DENND1B: variants seen among roughly 807,000 people sequenced by gnomAD.
DENND1B encodes the protein DENN domain containing 1B.
Under a neutral mutation model 90.1 loss-of-function variants are expected in DENND1B, and 59 were observed. The ratio of observed to expected loss-of-function variants is 0.65; its 90% CI spans 0.53 to 0.81. The LOEUF (loss-of-function observed/expected upper bound fraction) is 0.81. Among genes scored for constraint, DENND1B ranks in the 40% least tolerant of loss-of-function variants. The probability of loss-of-function intolerance (pLI) is 0.00; values close to 1 mark genes in which losing one functional copy is unlikely to be tolerated. For missense variants in DENND1B, 862 were observed against 912.6 expected (o/e 0.94, Z 0.71); for synonymous variants, 337 against 324.6 (o/e 1.04, Z -0.41).
chr1:197,641,741 T>G (rs1680284359), intron 10 of DENND1B, among the ~76,000 whole-genome samples: 1 of 152,156 alleles, frequency 6.6e-6, no homozygotes, highest in South Asian at 2.1e-4. Flanking sequence ...TGTTTGGCCT[T>G]GAAGTGGTCA....
At chr1:197,756,859 G>T (rs929926726) in intron 2 of DENND1B, among the ~76,000 whole-genome samples, 8 of 151,372 alleles carry the variant, frequency 5.3e-5, no homozygotes, top group African/African-American at 1.7e-4. Flanking sequence ...TTGCATAAAT[G>T]TAATACATCT....
At chr1:197,731,825 A>C (rs1448626285) in intron 2 of DENND1B, among the ~76,000 whole-genome samples, 2 of 151,914 alleles carry the variant, frequency 1.3e-5, no homozygotes, top group African/African-American at 2.4e-5. Context: ...CTTGCTATAC[A>C]TGATCTTTCT....
At chr1:197,672,380 A>G (rs1359140071) in intron 4 of DENND1B, among the ~76,000 whole-genome samples, 2 of 152,016 alleles carry the variant, frequency 1.3e-5, no homozygotes, top group African/African-American at 4.8e-5. Flanking sequence ...AGCATATATT[A>G]ATCTCTCACT....
chr1:197,657,768 T>C (rs574645962), intron 6 of DENND1B, among the ~76,000 whole-genome samples: 28 of 152,242 alleles, frequency 1.8e-4, no homozygotes, highest in Admixed American at 5.2e-4. Context: ...CCCAAAAGGA[T>C]TGAACCCAAG....
At chr1:197,699,498 C>T (rs1259398279) in intron 3 of DENND1B, among the ~76,000 whole-genome samples, 1 of 152,068 alleles carries the variant, frequency 6.6e-6, no homozygotes, top group Non-Finnish European at 1.5e-5. Flanking sequence ...AAAACTGGTA[C>T]AAGACAAGGA....
intron 15 of DENND1B, among the ~76,000 whole-genome samples, chr1:197,561,031 T>C (rs2125703316): frequency 6.6e-6 from 1 of 152,082 alleles, no homozygotes; most frequent in East Asian, 1.9e-4. Context: ...CTAACTTCTC[T>C]AACAATTTTT....
chr1:197,634,268 A>T (rs1679581616), intron 10 of DENND1B, among the ~76,000 whole-genome samples: 1 of 152,128 alleles, frequency 6.6e-6, no homozygotes, highest in Non-Finnish European at 1.5e-5. Flanking sequence ...TATAGTTTTT[A>T]AATTCTTTAT....
At chr1:197,513,051 T>C in intron 20 of DENND1B, 98 bp from the exon 21 acceptor site, 1 of 925,674 alleles carries the variant, frequency 1.1e-6, no homozygotes, top group Non-Finnish European at 1.6e-6. Flanking sequence ...AGAAACACTT[T>C]TGCAAGAAAT....
intron 15 of DENND1B, among the ~76,000 whole-genome samples, chr1:197,558,380 C>T (rs1174091186): frequency 6.6e-6 from 1 of 151,582 alleles, no homozygotes; most frequent in Non-Finnish European, 1.5e-5. Flanking sequence ...AGATCAATGA[C>T]ATTATTCCCT....
chr1:197,696,071 A>T (rs1274572544), intron 3 of DENND1B, among the ~76,000 whole-genome samples: 1 of 151,354 alleles, frequency 6.6e-6, no homozygotes, highest in Non-Finnish European at 1.5e-5. Context: ...CATCCTTTTT[A>T]TATTCAATAA....
intron 10 of DENND1B, among the ~76,000 whole-genome samples, chr1:197,638,427 TTAACATATTACTGA>T (rs1679978559): frequency 6.6e-6 from 1 of 152,218 alleles, no homozygotes; most frequent in South Asian, 2.1e-4. Context: ...TACACTCTAG[TTAACATATTACTGA>T]CAGGATGATG....
At chr1:197,590,690 T>C (rs1675119461) in intron 14 of DENND1B, among the ~76,000 whole-genome samples, 1 of 152,170 alleles carries the variant, frequency 6.6e-6, no homozygotes, top group East Asian at 1.9e-4. Context: ...CTTATGTATT[T>C]AGTATCTGTA....
intron 3 of DENND1B, among the ~76,000 whole-genome samples, chr1:197,685,390 T>C (rs538063102): frequency 6.6e-6 from 1 of 152,322 alleles, no homozygotes; most frequent in Admixed American, 6.5e-5. Context: ...TGTTATACTT[T>C]CAGCAATTTT....
intron 17 of DENND1B, 122 bp downstream of exon 17, chr1:197,546,611 C>A (rs1228324710): frequency 4.5e-5 from 39 of 870,508 alleles, no homozygotes; most frequent in Non-Finnish European, 6.8e-6. Context: ...TAAAATGTGA[C>A]AAAATATACA....
chr1:197,642,811 G>A lies in DENND1B; in HGVS notation c.572C>T (p.Thr191Ile). The change falls in exon 10 of 23, where the codon ACA (threonine) becomes ATA (isoleucine). Residue 191 changes from threonine (T) to isoleucine (I), a missense_variant. Transcript: ENST00000620048. ...LPTIPESRNLTEYFVAVDVNN... is the reference protein window; with the variant it reads ...LPTIPESRNLIEYFVAVDVNN... ...CACATCCACGGCAACAAAATATTCT[G>A]TAAGATTTCTCTGTACAAGTAAAAG... 6.2e-7 allele frequency: 1 copy of A among 1,611,650 alleles called. No individual in the cohort carries two copies. The highest frequency in any genetic ancestry group is 8.5e-7 in the Non-Finnish European group (1 of 1,178,614).
At chr1:197,565,520 G>A (rs1571896657) in intron 15 of DENND1B, among the ~76,000 whole-genome samples, 1 of 149,404 alleles carries the variant, frequency 6.7e-6, no homozygotes, top group South Asian at 2.1e-4. Context: ...TTAAGTTTTA[G>A]GGTACATGTG....
chr1:197,681,679 A>G (rs1656708238), intron 3 of DENND1B, among the ~76,000 whole-genome samples: 1 of 152,128 alleles, frequency 6.6e-6, no homozygotes, highest in South Asian at 2.1e-4. Flanking sequence ...GTATTACAGA[A>G]TTTTGGTTTC....
At chr1:197,760,289 T>C (rs1654869550) in intron 2 of DENND1B, among the ~76,000 whole-genome samples, 1 of 152,178 alleles carries the variant, frequency 6.6e-6, no homozygotes, top group East Asian at 1.9e-4. Flanking sequence ...CTCCTCTCTT[T>C]CTCTCCATAT....
In DENND1B at chr1:197,543,030, G is replaced by A. The variant is rs575507647; in HGVS notation, c.1351-2015C>T. 5.3e-5 allele frequency among the ~76,000 whole-genome samples: 8 copies of A among 152,086 alleles called. No homozygotes were observed. In the South Asian group the frequency reaches 1.7e-3, roughly 32 times the overall value. On this transcript the variant is annotated intron_variant, in intron 18 of 22. Transcript: ENST00000620048. ...GCTCACTGCAACCTCCACCTCCCAG[G>A]CTCCAGCAATTCTCCTGCCTCAGCC... is the stretch of plus-strand genomic sequence containing the variant.
Sources: gnomAD v4.1 joint callset for allele counts (sites outside exome capture counted in the v4.1 genomes callset) on GRCh38, gnomAD v4.1.1 for gene constraint, MANE v1.5 for transcripts, NCBI Gene and HGNC (gene_info 2026-07-23, HGNC 2026-07-21) for gene names.